Variants in NUP214 observed in about 807,000 individuals in gnomAD.
NUP214 encodes the protein nuclear pore complex protein Nup214.
Under a neutral mutation model 196.2 loss-of-function variants are expected in NUP214, and 79 were observed. The ratio of observed to expected loss-of-function variants is 0.40; its 90% CI spans 0.34 to 0.49. The LOEUF is 0.49. NUP214 is among the 20% of genes least tolerant of loss of function. The probability of loss-of-function intolerance (pLI) is 0.58; values close to 1 mark genes in which losing one functional copy is unlikely to be tolerated. For synonymous variants in NUP214, 1,020 were observed against 990.5 expected, an observed-to-expected ratio of 1.03 and a Z score of -0.56; for missense variants, 2,468 against 2,539.0, an observed-to-expected ratio of 0.97 and a Z score of 0.60.
At chr9:131,221,673 C>T (rs1041938923) in intron 31 of NUP214, among the ~76,000 whole-genome samples, 1 of 152,166 alleles carries the variant, frequency 6.6e-6, no homozygotes, top group African/African-American at 2.4e-5. Context: ...CTTCATTACC[C>T]ACCCAGTGAT....
At chr9:131,157,480 T>TG (rs1832491699) in intron 17 of NUP214, among the ~76,000 whole-genome samples, 10 of 147,844 alleles carry the variant, frequency 6.8e-5, no homozygotes, top group Admixed American at 6.1e-4. Context: ...TTTTTTTTTT[T>TG]TTGAGAGAGA....
intron 33 of NUP214, chr9:131,229,877 G>A (rs974160864): frequency 6.9e-6 from 3 of 435,542 alleles, no homozygotes; most frequent in Admixed American, 2.6e-5. Context: ...CTTGCTTTGG[G>A]GTTGATTCTT....
At chr9:131,132,851 A>C in intron 6 of NUP214, 192 bp downstream of exon 6, 1 of 622,578 alleles carries the variant, frequency 1.6e-6, no homozygotes, top group Non-Finnish European at 2.8e-6. Context: ...TTCACGATAA[A>C]TGACATGAAA....
At chr9:131,223,730 T>TATTTATTTATTTA (rs71372705) in intron 32 of NUP214, among the ~76,000 whole-genome samples, 7 of 14,432 alleles carry the variant, frequency 4.9e-4, no homozygotes, top group East Asian at 9.6e-3. Flanking sequence ...TTTATTTATT[T>TATTTATTTATTTA]TTTTTTTTTT....
intron 5 of NUP214, 95 bp from the exon 6 acceptor site, chr9:131,132,501 A>C: frequency 9.7e-7 from 1 of 1,034,748 alleles, no homozygotes; most frequent in South Asian, 1.3e-5. Flanking sequence ...GAGATGGAAC[A>C]GGTAGCATCT....
Position 131,198,843 on chromosome 9 carries a change from C to A in NUP214, c.5349C>A (p.Ser1783=). The change falls in exon 29 of 36, where the codon TCC becomes TCA. Residue 1783 remains serine (S), a synonymous_variant. Transcript: ENST00000359428. ...CCTCAAGTACCAGTAGCTCCAGTTCCTTCTCATTTGGACAGTCTTCTCCCA... is the reference window on the plus strand; with the variant it reads ...CCTCAAGTACCAGTAGCTCCAGTTCATTCTCATTTGGACAGTCTTCTCCCA... ...GAASSTSSSS[S]FSFGQSSPNT... The A allele has an allele frequency of 6.2e-7, 1 of 1,614,170 alleles. No homozygotes were observed. The highest frequency in any genetic ancestry group is 8.5e-7 in the Non-Finnish European group (1 of 1,180,032).
chr9:131,189,868 A>G (rs1159486642), intron 26 of NUP214: 2 of 152,738 alleles, frequency 1.3e-5, no homozygotes, highest in Admixed American at 6.5e-5. Flanking sequence ...GCTGTCTGCA[A>G]TACTGAATTT....
chr9:131,144,933 G>A (rs1006775372), intron 12 of NUP214, among the ~76,000 whole-genome samples, 179 bp downstream of exon 12: 11 of 152,220 alleles, frequency 7.2e-5, no homozygotes, highest in Non-Finnish European at 1.2e-4. Flanking sequence ...TCAGTGAATA[G>A]AGTCCAGAAG....
chr9:131,210,367 C>T lies in NUP214; in HGVS notation c.5593-4845C>T, dbSNP rs141593893. Among the ~76,000 whole-genome samples, 71 of 152,300 alleles carry T rather than the reference C, an allele frequency of 4.7e-4. No homozygotes were observed. In the East Asian group the frequency reaches 0.011, roughly 24 times the overall value. On this transcript the variant is annotated intron_variant, in intron 30 of 35. Transcript: ENST00000359428. ...TGGAAAGGCCGGGCACAGTGGCTCA[C>T]GCCTGTAATGCCAGCACTTTGGGAG...
At chr9:131,145,385 CTCCCAAGATAACCATGAGT>C (rs1260942912) in intron 12 of NUP214, among the ~76,000 whole-genome samples, 1 of 152,112 alleles carries the variant, frequency 6.6e-6, no homozygotes, top group African/African-American at 2.4e-5. Context: ...CTTGTAACCC[CTCCCAAGATAACCATGAGT>C]TCCCAAGATA....
Position 131,130,765 on chromosome 9 carries a change from G to T in NUP214, c.593-1G>T. On this transcript the variant is annotated splice_acceptor_variant, in intron 4 of 35. Transcript: ENST00000359428. LOFTEE classifies it high-confidence loss of function. ...CATTTGGTAATACTGTCTTTGCTCA[G>T]TGTGCTGGAGCCCCAAAGGAAAGCA... 2 of 1,613,990 alleles carry T rather than the reference G, an allele frequency of 1.2e-6. No individual in the cohort carries two copies. The highest frequency in any genetic ancestry group is 2.2e-5 in the East Asian group (1 of 44,868).
rs1834906883 is a variant in NUP214, at chr9:131,232,483, C to G, written c.6239+175C>G. The stretch of plus-strand genomic sequence containing the variant: ...TTGGGTTTTGTGGACTTGCTCTTCT[C>G]TGTAGCAATATGGCAGGAGGTGCCA... On this transcript the variant is annotated intron_variant, in intron 35 of 35. Coordinates refer to ENST00000359428, the MANE Select transcript of NUP214 (RefSeq NM_005085.4). This position sits in a 1 kb window ranked among gnomAD's most constrained non-coding sequence, Gnocchi z 5.1. 2 of 697,808 alleles carry G rather than the reference C, an allele frequency of 2.9e-6. No individual in the cohort carries two copies. The allele number at this position is 697,808 out of a possible 1,614,324, so 43.2% of individuals were successfully genotyped here.
At position 131,177,358 on chromosome 9, in the gene NUP214, C is replaced by T. The variant is rs75137233; in HGVS notation, c.3320-953C>T. ...GGTAGAATCTTGCCATTGTGCTGAA[C>T]AGGCCTGAAATCAAGTTGATCAAGT... On this transcript the variant is annotated intron_variant, in intron 23 of 35. Transcript: ENST00000359428. Among the ~76,000 whole-genome samples the T allele has an allele frequency of 7.9e-5, 12 of 152,270 alleles. No individual in the cohort carries two copies. In the East Asian group the frequency reaches 2.3e-3, roughly 29 times the overall value.
At chr9:131,170,718 CT>C (rs1310861635) in intron 21 of NUP214, among the ~76,000 whole-genome samples, 14 of 151,986 alleles carry the variant, frequency 9.2e-5, no homozygotes, top group African/African-American at 3.1e-4. Context: ...GTTTCTTGGC[CT>C]TGTAACTATG....
intron 14 of NUP214, among the ~76,000 whole-genome samples, chr9:131,148,829 T>A (rs1422831159): frequency 1.3e-5 from 2 of 152,200 alleles, no homozygotes; most frequent in East Asian, 3.8e-4. Flanking sequence ...GTTCTCACTG[T>A]GAATTGTCTA....
intron 4 of NUP214, 41 bp from the exon 5 acceptor site, chr9:131,130,725 C>A: frequency 6.4e-7 from 1 of 1,572,734 alleles, no homozygotes; most frequent in South Asian, 1.1e-5. Flanking sequence ...TTGGTTTGCT[C>A]CATTTTCTTG....
Position 131,174,261 on chromosome 9 carries a change from C to T in NUP214, c.3100C>T (p.Pro1034Ser). ...IQPSLLPHAA[P>S]FAKSHLVHGS... Reference sequence around the variant, plus strand: ...GCCCAGTCTCTTGCCCCATGCAGCACCTTTTGCTAAATCTCACCTGGTTCA... The same window carrying T: ...GCCCAGTCTCTTGCCCCATGCAGCATCTTTTGCTAAATCTCACCTGGTTCA... The change falls in exon 22 of 36, where the codon CCT becomes TCT. Residue 1034 changes from proline to serine, a missense_variant. Physicochemically the swap from Pro to Ser is moderately conservative, Grantham distance 74 (BLOSUM62 -1). Coordinates refer to ENST00000359428, the MANE Select transcript of NUP214 (RefSeq NM_005085.4). The T allele has an allele frequency of 1.2e-6, 2 of 1,613,834 alleles. No individual in the cohort carries two copies. The highest frequency in any genetic ancestry group is 1.7e-6 in the Non-Finnish European group (2 of 1,179,926).
intron 30 of NUP214, among the ~76,000 whole-genome samples, chr9:131,203,842 A>G (rs1834005451): frequency 6.6e-6 from 1 of 152,232 alleles, no homozygotes; most frequent in Non-Finnish European, 1.5e-5. Context: ...GACAGCATTT[A>G]CTAATCTGAG....
intron 31 of NUP214, among the ~76,000 whole-genome samples, chr9:131,217,621 C>T (rs906839317): frequency 9.2e-5 from 14 of 152,310 alleles, no homozygotes; most frequent in Admixed American, 5.9e-4. Flanking sequence ...TAGAACTCAG[C>T]TAGACTATAT....
Sources: gnomAD v4.1 joint callset for allele counts (sites outside exome capture counted in the v4.1 genomes callset) on GRCh38, gnomAD v4.1.1 for gene constraint, Gnocchi (gnomAD v3.1) non-coding constraint, MANE v1.5 for transcripts, NCBI Gene and HGNC (gene_info 2026-07-23, HGNC 2026-07-21) for gene names.